BZW2: variants seen among roughly 807,000 people sequenced by gnomAD.
BZW2 encodes the protein eIF5-mimic protein 1.
BZW2 carries 23 observed loss-of-function variants against 53.2 expected under a neutral mutation model. The ratio of observed to expected loss-of-function variants is 0.43; its 90% CI spans 0.31 to 0.61. The LOEUF is 0.61. BZW2 is among the 20% of genes least tolerant of loss of function. The pLI, the probability that BZW2 is intolerant of heterozygous loss-of-function variation, is 0.09. For missense variants in BZW2, 409 were observed against 503.1 expected, an observed-to-expected ratio of 0.81 and a Z score of 1.79; for synonymous variants, 227 against 186.4, an observed-to-expected ratio of 1.22 and a Z score of -1.77.
chr7:16,681,295 T>C lies in BZW2; in HGVS notation c.236-6T>C. 1.9e-6 allele frequency: 3 copies of C among 1,611,094 alleles called. No homozygotes were observed. Among genetic ancestry groups the C allele is most frequent in the Non-Finnish European group, 2.5e-6 (3 of 1,177,626 alleles). On this transcript the variant is annotated splice_region_variant and splice_polypyrimidine_tract_variant and intron_variant, in intron 3 of 11. Coordinates refer to ENST00000258761, the MANE Select transcript of BZW2 (RefSeq NM_014038.3). ...ATCCTAATTACAATTACCTTTCTCT[T>C]TTTAGCCCCTGGAGGAACGCGCATA...
intron 10 of BZW2, among the ~76,000 whole-genome samples, chr7:16,701,972 G>A (rs1197531491): frequency 6.6e-6 from 1 of 152,094 alleles, no homozygotes; most frequent in Admixed American, 6.6e-5. Context: ...AGGCTCTCAA[G>A]GTACATGTAT....
intron 2 of BZW2, among the ~76,000 whole-genome samples, chr7:16,674,107 C>G (rs955208172): frequency 2.0e-5 from 3 of 152,086 alleles, no homozygotes; most frequent in Non-Finnish European, 4.4e-5. Context: ...ATTGTTTTGG[C>G]GAGGCTGGTC....
At chr7:16,660,368 T>A (rs1193605583) in intron 1 of BZW2, among the ~76,000 whole-genome samples, 1 of 150,918 alleles carries the variant, frequency 6.6e-6, no homozygotes, top group Non-Finnish European at 1.5e-5. Flanking sequence ...CCCCTGCATT[T>A]TAGCCTGGGT....
At chr7:16,706,008 CTTAA>C in intron 11 of BZW2, 48 bp from the exon 12 acceptor site, 1 of 1,608,690 alleles carries the variant, frequency 6.2e-7, no homozygotes, top group Non-Finnish European at 8.5e-7. Context: ...AACTTTTGAC[CTTAA>C]TTAGAGGAAT....
At chr7:16,673,919 G>T (rs1242028154) in intron 2 of BZW2, among the ~76,000 whole-genome samples, 1 of 151,626 alleles carries the variant, frequency 6.6e-6, no homozygotes, top group Non-Finnish European at 1.5e-5. Context: ...ATTTTTTTGA[G>T]ACAGCGTTTC....
intron 4 of BZW2, among the ~76,000 whole-genome samples, chr7:16,681,724 T>G (rs542163413): frequency 3.9e-5 from 6 of 152,064 alleles, no homozygotes; most frequent in African/African-American, 1.4e-4. Context: ...CCCAGCTACT[T>G]GGGAGGCTGA....
At chr7:16,659,702 C>T (rs1248999294) in intron 1 of BZW2, among the ~76,000 whole-genome samples, 3 of 151,942 alleles carry the variant, frequency 2.0e-5, no homozygotes, top group Non-Finnish European at 2.9e-5. Context: ...ATTCTTGAAA[C>T]TTGTTATTAA....
intron 1 of BZW2, among the ~76,000 whole-genome samples, chr7:16,647,341 G>C (rs1039478876): frequency 6.6e-6 from 1 of 152,170 alleles, no homozygotes; most frequent in African/African-American, 2.4e-5. Context: ...TTTTTGTTAA[G>C]CATCCCCAGG....
chr7:16,672,725 C>T (rs1486722207), intron 2 of BZW2, among the ~76,000 whole-genome samples: 1 of 152,172 alleles, frequency 6.6e-6, no homozygotes, highest in Non-Finnish European at 1.5e-5. Context: ...TTGTCATCTT[C>T]ACTTCTTATC....
At chr7:16,678,718 C>G (rs1782843963) in intron 3 of BZW2, among the ~76,000 whole-genome samples, 1 of 151,852 alleles carries the variant, frequency 6.6e-6, no homozygotes, top group African/African-American at 2.4e-5. Context: ...GGAACCAGCC[C>G]CCAATATTTC....
At position 16,681,448 on chromosome 7, in the gene BZW2, G is replaced by A. The variant is rs1288633582; in HGVS notation, c.339+44G>A. 2.0e-6 allele frequency: 3 copies of A among 1,511,108 alleles called. No homozygotes were observed. In the African/African-American group the frequency reaches 4.1e-5, roughly 21 times the overall value. 93.6% of individuals were successfully genotyped at this position (1,511,108 alleles called of 1,614,324 possible). ...ACTGAAGCATTTGAAGAGGACTGAGGAAAACTCTATAGAAGCTCTACAGTC... is the reference window on the plus strand; with the variant it reads ...ACTGAAGCATTTGAAGAGGACTGAGAAAAACTCTATAGAAGCTCTACAGTC... On this transcript the variant is annotated intron_variant, in intron 4 of 11. Transcript: ENST00000258761.
At chr7:16,666,851 G>T (rs1450637048) in intron 2 of BZW2, among the ~76,000 whole-genome samples, 1 of 152,142 alleles carries the variant, frequency 6.6e-6, no homozygotes, top group African/African-American at 2.4e-5. Context: ...CTGGGTTCAA[G>T]CGATGTTCAT....
intron 10 of BZW2, among the ~76,000 whole-genome samples, chr7:16,703,299 T>C (rs557513148): frequency 6.6e-6 from 1 of 152,318 alleles, no homozygotes; most frequent in East Asian, 1.9e-4. Flanking sequence ...ATAATAAACA[T>C]GTTTTTTTAA....
chr7:16,697,001 C>T lies in BZW2; in HGVS notation c.909C>T (p.Asn303=), dbSNP rs146210984. The T allele has an allele frequency of 1.2e-5, 20 of 1,613,990 alleles. No individual in the cohort carries two copies. Among genetic ancestry groups the T allele is most frequent in the South Asian group, 3.3e-5 (3 of 91,088 alleles). ...VIGLLWTCIM[N]AVEWNKKEEL... ...GTCTTCTGTGGACATGTATAATGAA[C>T]GCTGTTGAGTGGAACAAGAAGGAAG... The change falls in exon 9 of 12, where the codon AAC becomes AAT. Residue 303 remains asparagine, a synonymous_variant. Transcript: ENST00000258761.
rs766560834 is a variant in BZW2 at position 16,661,710 on chromosome 7, C to A, written c.-7-3727C>A. On this transcript the variant is annotated intron_variant, in intron 1 of 11. Coordinates refer to ENST00000258761, the MANE Select transcript of BZW2 (RefSeq NM_014038.3). The stretch of plus-strand genomic sequence containing the variant: ...CCAAGAAATGTAGTCTCTTAGGTGA[C>A]ATGTGAAATACTTAAGTCCATTTTG... Among the ~76,000 whole-genome samples, 27 of 152,170 alleles carry A rather than the reference C, an allele frequency of 1.8e-4. 1 individual carries two copies. The highest frequency in any genetic ancestry group is 2.8e-4 in the Non-Finnish European group (19 of 67,960).
intron 4 of BZW2, among the ~76,000 whole-genome samples, chr7:16,682,415 G>T (rs564382860): frequency 1.4e-4 from 22 of 152,202 alleles, no homozygotes; most frequent in African/African-American, 5.3e-4. Context: ...CCTGCACTTT[G>T]CTCTCCTCCC....
At chr7:16,647,734 C>T (rs1781902373) in intron 1 of BZW2, among the ~76,000 whole-genome samples, 1 of 152,164 alleles carries the variant, frequency 6.6e-6, no homozygotes, top group Admixed American at 6.5e-5. Context: ...TGATTTATAA[C>T]ATAGTATCAT....
At chr7:16,672,322 T>TC (rs1459674579) in intron 2 of BZW2, among the ~76,000 whole-genome samples, 1 of 152,204 alleles carries the variant, frequency 6.6e-6, no homozygotes, top group Non-Finnish European at 1.5e-5. Context: ...CTGCCCTTTT[T>TC]CTCTTCTTTT....
At chr7:16,684,901 T>A (rs944135007) in intron 5 of BZW2, among the ~76,000 whole-genome samples, 3 of 152,330 alleles carry the variant, frequency 2.0e-5, no homozygotes, top group African/African-American at 7.2e-5. Context: ...AGTAAGTTAA[T>A]ATTTTCTTAT....
Sources: allele counts gnomAD v4.1 joint callset (sites outside exome capture counted in the v4.1 genomes callset), GRCh38; gene constraint gnomAD v4.1.1; transcripts MANE v1.5; gene names NCBI Gene and HGNC (gene_info 2026-07-23, HGNC 2026-07-21).